Variants in LRRC7 observed in about 807,000 individuals in gnomAD.
LRRC7 encodes leucine-rich repeat-containing protein 7.
LRRC7 carries 23 observed loss-of-function variants against 175.7 expected under a neutral mutation model. The observed-to-expected ratio is 0.13, with a 90% confidence interval of 0.09 to 0.19. LRRC7 has a LOEUF of 0.19. Among genes scored for constraint, LRRC7 ranks in the 10% least tolerant of loss-of-function variants. The probability of loss-of-function intolerance (pLI) is 1.00; values close to 1 mark genes in which losing one functional copy is unlikely to be tolerated. For missense variants in LRRC7, 1,354 were observed against 1,904.7 expected, an observed-to-expected ratio of 0.71 and a Z score of 5.38; for synonymous variants, 685 against 680.9, an observed-to-expected ratio of 1.01 and a Z score of -0.09.
At chr1:69,608,089 A>C (rs1196731675) in intron 1 of LRRC7, 1 of 152,684 alleles carries the variant, frequency 6.5e-6, no homozygotes, top group Non-Finnish European at 1.5e-5. Flanking sequence ...TCTTGGACTT[A>C]CCTCACTTTG....
In LRRC7 at chr1:69,924,650, A is replaced by G. The variant is rs376367186; in HGVS notation, c.648-6857A>G. On this transcript the variant is annotated intron_variant, in intron 7 of 26. Coordinates refer to ENST00000651989, the MANE Select transcript of LRRC7 (RefSeq NM_001370785.2). ...CTTGTGATTTTTGTACATTGATTTTATATCCTGAGACTTTGCTGAAGTTGC... is the reference window on the plus strand; with the variant it reads ...CTTGTGATTTTTGTACATTGATTTTGTATCCTGAGACTTTGCTGAAGTTGC... Among the ~76,000 whole-genome samples the G allele has an allele frequency of 7.6e-3, 1,148 of 151,956 alleles. 10 individuals are homozygous for G. Among genetic ancestry groups the G allele is most frequent in the African/African-American group, 0.025 (1,052 of 41,370 alleles).
At chr1:69,771,887 G>A (rs1028279744) in intron 3 of LRRC7, among the ~76,000 whole-genome samples, 3 of 152,148 alleles carry the variant, frequency 2.0e-5, no homozygotes, top group South Asian at 2.1e-4. Context: ...TTGGGATGCC[G>A]AGGATGGCAG....
chr1:70,099,713 A>C (rs1664677359), intron 25 of LRRC7, among the ~76,000 whole-genome samples: 1 of 152,136 alleles, frequency 6.6e-6, no homozygotes, highest in Non-Finnish European at 1.5e-5. Flanking sequence ...GAAAAGAAGA[A>C]TCCACAGCCT....
chr1:69,911,278 C>T (rs1405321936), intron 7 of LRRC7, among the ~76,000 whole-genome samples: 1 of 152,202 alleles, frequency 6.6e-6, no homozygotes, highest in Non-Finnish European at 1.5e-5. Flanking sequence ...AGAAATCACC[C>T]ATCTTCTGCA....
chr1:69,900,837 A>G (rs1255122257), intron 7 of LRRC7, among the ~76,000 whole-genome samples: 1 of 152,174 alleles, frequency 6.6e-6, no homozygotes, highest in African/African-American at 2.4e-5. Context: ...AGATGTATTT[A>G]AAATGGCTAG....
intron 7 of LRRC7, among the ~76,000 whole-genome samples, chr1:69,868,614 G>A (rs964783938): frequency 6.6e-6 from 1 of 151,942 alleles, no homozygotes; most frequent in African/African-American, 2.4e-5. Flanking sequence ...ACACTGTGGG[G>A]GTTTGCTACA....
intron 1 of LRRC7, among the ~76,000 whole-genome samples, chr1:69,647,526 A>G (rs751804475): frequency 1.3e-5 from 2 of 152,156 alleles, no homozygotes; most frequent in African/African-American, 2.4e-5. Flanking sequence ...GTAACTTTCA[A>G]GAATTTATTT....
chr1:69,964,199 A>G (rs528993597), intron 8 of LRRC7, among the ~76,000 whole-genome samples: 1 of 152,328 alleles, frequency 6.6e-6, no homozygotes, highest in Non-Finnish European at 1.5e-5. Context: ...TAAAATAGAG[A>G]TAGTAGCTAA....
At chr1:69,781,791 AAGG>A (rs1557720236) in intron 3 of LRRC7, among the ~76,000 whole-genome samples, 402 of 21,722 alleles carry the variant, frequency 0.019, 8 homozygotes, top group South Asian at 0.048. Flanking sequence ...GAAAGAAAGG[AAGG>A]AAGGAAGGAA....
At position 69,781,688 on chromosome 1, in the gene LRRC7, GAAGAAAGA is replaced by G. The variant is rs1553155061; in HGVS notation, c.304-10314_304-10307del. Among the ~76,000 whole-genome samples, 155 of 43,934 alleles carry G rather than the reference GAAGAAAGA, an allele frequency of 3.5e-3. 9 individuals carry two copies. The highest frequency in any genetic ancestry group is 0.014 in the Middle Eastern group (1 of 74). 28.8% of individuals were successfully genotyped at this position (43,934 alleles called of 152,430 possible). A position where few individuals can be genotyped will look rare whatever the true frequency, so the allele number is the denominator to read the frequency against. On this transcript the variant is annotated intron_variant, in intron 3 of 26. Transcript: ENST00000651989. ...CAGAGCAAGACTGTCTCAAAAAAAA[GAAGAAAGA>G]AAGAAAGAAAGAAAGAAAGAAAGAA... is the stretch of plus-strand genomic sequence containing the variant.
At chr1:69,926,232 A>C (rs1222030625) in intron 7 of LRRC7, among the ~76,000 whole-genome samples, 2 of 134,458 alleles carry the variant, frequency 1.5e-5, no homozygotes, top group South Asian at 5.0e-4. Context: ...TATGTGGTCA[A>C]TTTTGGAATA....
chr1:69,765,712 G>A (rs960145839), intron 3 of LRRC7, among the ~76,000 whole-genome samples: 2 of 151,964 alleles, frequency 1.3e-5, no homozygotes, highest in African/African-American at 4.8e-5. Context: ...TGCATTCATC[G>A]TCACTGTCTT....
At chr1:69,914,495 G>T (rs1378184989) in intron 7 of LRRC7, among the ~76,000 whole-genome samples, 1 of 152,036 alleles carries the variant, frequency 6.6e-6, no homozygotes, top group Admixed American at 6.6e-5. Context: ...CAAAATGACG[G>T]CATTAAGAGC....
At chr1:70,034,574 A>G (rs1659108894) in intron 18 of LRRC7, among the ~76,000 whole-genome samples, 1 of 152,104 alleles carries the variant, frequency 6.6e-6, no homozygotes, top group Non-Finnish European at 1.5e-5. Context: ...TTGCAATCTG[A>G]TACCTCATTT....
At chr1:70,009,658 A>T (rs1422645702) in intron 11 of LRRC7, among the ~76,000 whole-genome samples, 1 of 152,198 alleles carries the variant, frequency 6.6e-6, no homozygotes, top group Non-Finnish European at 1.5e-5. Context: ...CCTCATTGTA[A>T]ATATAAAGAA....
At position 70,039,260 on chromosome 1, in the gene LRRC7, G is replaced by A. The variant is rs776891779; in HGVS notation, c.3436G>A (p.Ala1146Thr). The A allele has an allele frequency of 1.9e-6, 3 of 1,614,060 alleles. No individual in the cohort carries two copies. The highest frequency in any genetic ancestry group is 2.2e-5 in the East Asian group (1 of 44,870). ...VVNAQFASQGARAGFLRRADS... is the reference protein window; with the variant it reads ...VVNAQFASQGTRAGFLRRADS... The stretch of plus-strand genomic sequence containing the variant: ...GAATGCCCAGTTCGCAAGCCAAGGG[G>A]CCAGGGCGGGCTTCCTGAGAAGGGC... The change falls in exon 21 of 27, where the codon GCC becomes ACC. Residue 1146 changes from alanine (A) to threonine (T), a missense_variant. Coordinates refer to ENST00000651989, the MANE Select transcript of LRRC7 (RefSeq NM_001370785.2).
chr1:69,924,985 A>G (rs1173958316), intron 7 of LRRC7, among the ~76,000 whole-genome samples: 2 of 152,108 alleles, frequency 1.3e-5, no homozygotes, highest in Non-Finnish European at 2.9e-5. Context: ...TCAATACCTA[A>G]TTTATTGAGA....
At chr1:69,706,518 C>T (rs1247885347) in intron 2 of LRRC7, among the ~76,000 whole-genome samples, 6 of 152,178 alleles carry the variant, frequency 3.9e-5, no homozygotes, top group Non-Finnish European at 7.4e-5. Flanking sequence ...AATCAACAAC[C>T]TGCAAGTCAT....
chr1:70,033,272 TATC>T (rs1658954123), intron 18 of LRRC7, among the ~76,000 whole-genome samples: 1 of 152,126 alleles, frequency 6.6e-6, no homozygotes. Context: ...TCCATTTCCT[TATC>T]TGCAGAACAA....
Sources: allele counts gnomAD v4.1 joint callset (sites outside exome capture counted in the v4.1 genomes callset), GRCh38; gene constraint gnomAD v4.1.1; transcripts MANE v1.5; gene names NCBI Gene and HGNC (gene_info 2026-07-23, HGNC 2026-07-21).